VTI1A: variants seen among roughly 807,000 people sequenced by gnomAD.
VTI1A encodes vesicle transport through interaction with t-SNAREs homolog 1A.
VTI1A carries 22 observed loss-of-function variants against 34.9 expected under a neutral mutation model. The ratio of observed to expected loss-of-function variants is 0.63; its 90% CI spans 0.45 to 0.90. The LOEUF (loss-of-function observed/expected upper bound fraction) is 0.90. Ranked by LOEUF, VTI1A falls within the 40% of genes least tolerant of loss-of-function variation. The probability of loss-of-function intolerance (pLI) is 0.00; values close to 1 mark genes in which losing one functional copy is unlikely to be tolerated. For synonymous variants in VTI1A, 87 were observed against 97.3 expected (o/e 0.89, Z 0.62); for missense variants, 268 against 275.6 (o/e 0.97, Z 0.20).
intron 7 of VTI1A, among the ~76,000 whole-genome samples, chr10:112,750,576 A>T (rs1319699847): frequency 6.6e-6 from 1 of 152,122 alleles, no homozygotes; most frequent in Admixed American, 6.5e-5. Flanking sequence ...TTAGAGTTTC[A>T]ACTTAAGCTT....
intron 3 of VTI1A, among the ~76,000 whole-genome samples, chr10:112,476,923 A>G (rs1038833144): frequency 5.9e-5 from 9 of 152,188 alleles, no homozygotes; most frequent in Non-Finnish European, 1.0e-4. Flanking sequence ...TATAGCTTTT[A>G]GGTGAGTTTA....
rs566472900 is a variant in VTI1A, at chr10:112,456,532, C to T, written c.95-3992C>T. ...GGAATTCAAAGGAAATGAGGTATGT[C>T]TCAGGACCTCGCCTAGAAGGATAGG... On this transcript the variant is annotated intron_variant, in intron 1 of 7. Coordinates refer to ENST00000393077, the MANE Select transcript of VTI1A (RefSeq NM_145206.4). 5.9e-5 allele frequency among the ~76,000 whole-genome samples: 9 copies of T among 151,804 alleles called. 1 individual carries two copies. The East Asian group carries it at 1.2e-3, about 20-fold the overall frequency.
At chr10:112,530,993 C>T (rs1487354474) in intron 4 of VTI1A, among the ~76,000 whole-genome samples, 2 of 150,002 alleles carry the variant, frequency 1.3e-5, no homozygotes, top group African/African-American at 4.9e-5. Flanking sequence ...TATCTGTATG[C>T]GAACAGAGAC....
intron 7 of VTI1A, among the ~76,000 whole-genome samples, chr10:112,813,198 G>C (rs1213539276): frequency 6.6e-6 from 1 of 152,214 alleles, no homozygotes; most frequent in Non-Finnish European, 1.5e-5. Flanking sequence ...AGCCCAATTA[G>C]GAAGGTTAGG....
chr10:112,477,506 G>T (rs1407368379), intron 3 of VTI1A, among the ~76,000 whole-genome samples: 1 of 152,208 alleles, frequency 6.6e-6, no homozygotes, highest in African/African-American at 2.4e-5. Flanking sequence ...GTTCTGTTAA[G>T]TATTATTTAA....
chr10:112,639,043 A>G (rs1414927763), intron 5 of VTI1A, among the ~76,000 whole-genome samples: 2 of 152,174 alleles, frequency 1.3e-5, no homozygotes, highest in Non-Finnish European at 2.9e-5. Context: ...GGAAGCCTGT[A>G]TCAAGAAATC....
intron 5 of VTI1A, among the ~76,000 whole-genome samples, chr10:112,593,593 C>T (rs1844483365): frequency 6.6e-6 from 1 of 152,060 alleles, no homozygotes; most frequent in Admixed American, 6.5e-5. Context: ...GAAAAGCACA[C>T]AGAAAAAAAT....
At chr10:112,710,529 T>G (rs1448045195) in intron 7 of VTI1A, among the ~76,000 whole-genome samples, 1 of 152,192 alleles carries the variant, frequency 6.6e-6, no homozygotes, top group Admixed American at 6.5e-5. Context: ...CTGAATTGTA[T>G]TCACTTAGTG....
the VTI1A span, among the ~76,000 whole-genome samples, chr10:112,828,159 A>C: frequency 6.6e-6 from 1 of 152,132 alleles, no homozygotes; most frequent in East Asian, 1.9e-4. Flanking sequence ...TCATGACTAA[A>C]TGTGTTGCTC....
chr10:112,681,148 T>C (rs1848199758), intron 7 of VTI1A, among the ~76,000 whole-genome samples: 1 of 151,264 alleles, frequency 6.6e-6, no homozygotes, highest in Admixed American at 6.6e-5. Context: ...CAACAATAGC[T>C]CACTGCAACC....
At chr10:112,563,542 A>G (rs1403204517) in intron 5 of VTI1A, among the ~76,000 whole-genome samples, 2 of 152,144 alleles carry the variant, frequency 1.3e-5, no homozygotes, top group Non-Finnish European at 2.9e-5. Flanking sequence ...CTGATGTTTC[A>G]TTGACTGTGT....
chr10:112,719,696 G>A (rs1387565339), intron 7 of VTI1A, among the ~76,000 whole-genome samples: 3 of 152,028 alleles, frequency 2.0e-5, no homozygotes, highest in African/African-American at 4.8e-5. Context: ...ACAGGCATGC[G>A]CCACCACACC....
Position 112,456,421 on chromosome 10 carries a change from C to CA in VTI1A, c.95-4083dup, listed in dbSNP as rs71035387. ...TGGGTGACAAAGTGAGAGTCCATCT[C>CA]AAAAAAAAAAAAAAAAAAAAGAGGA... On this transcript the variant is annotated intron_variant, in intron 1 of 7. Transcript: ENST00000393077. Among the ~76,000 whole-genome samples the CA allele has an allele frequency of 8.3e-3, 698 of 84,088 alleles. 7 individuals carry two copies. Among genetic ancestry groups the CA allele is most frequent in the Admixed American group, 0.013 (102 of 8,012 alleles). The allele number at this position is 84,088 out of a possible 152,430, so 55.2% of individuals were successfully genotyped here. A position where few individuals can be genotyped will look rare whatever the true frequency, so the allele number is the denominator to read the frequency against.
At chr10:112,681,553 A>AT (rs1162695220) in intron 7 of VTI1A, among the ~76,000 whole-genome samples, 3 of 152,198 alleles carry the variant, frequency 2.0e-5, no homozygotes, top group African/African-American at 7.2e-5. Flanking sequence ...ACAAATTCAA[A>AT]TTTTTTAATT....
At chr10:112,709,847 A>C (rs1045376913) in intron 7 of VTI1A, among the ~76,000 whole-genome samples, 5 of 148,194 alleles carry the variant, frequency 3.4e-5, no homozygotes, top group African/African-American at 1.0e-4. Context: ...GGCACCACCA[A>C]GCCTGGCTAA....
chr10:112,527,752 T>C (rs1850286546), intron 4 of VTI1A, among the ~76,000 whole-genome samples: 1 of 151,390 alleles, frequency 6.6e-6, no homozygotes, highest in Non-Finnish European at 1.5e-5. Context: ...ATAAGTCTTT[T>C]TGCAGTTTAA....
At chr10:112,718,713 A>G (rs1849691219) in intron 7 of VTI1A, among the ~76,000 whole-genome samples, 1 of 152,230 alleles carries the variant, frequency 6.6e-6, no homozygotes, top group Non-Finnish European at 1.5e-5. Flanking sequence ...CAGTAATAAT[A>G]ATGCTACCCT....
At chr10:112,671,270 C>CT (rs1847836948) in intron 7 of VTI1A, among the ~76,000 whole-genome samples, 1 of 152,184 alleles carries the variant, frequency 6.6e-6, no homozygotes, top group African/African-American at 2.4e-5. Flanking sequence ...GCCACATTCT[C>CT]TTACTCTTCT....
intron 5 of VTI1A, among the ~76,000 whole-genome samples, chr10:112,642,725 G>A (rs192962412): frequency 9.3e-4 from 141 of 152,176 alleles, no homozygotes; most frequent in African/African-American, 3.2e-3. Flanking sequence ...ACAGTCTAAT[G>A]GGGAGACAGG....
Sources: gnomAD v4.1 joint callset for allele counts (sites outside exome capture counted in the v4.1 genomes callset) on GRCh38, gnomAD v4.1.1 for gene constraint, MANE v1.5 for transcripts, NCBI Gene and HGNC (gene_info 2026-07-23, HGNC 2026-07-21) for gene names.